Variants in DAAM2 observed in about 807,000 individuals in gnomAD.
DAAM2 encodes the protein disheveled-associated activator of morphogenesis 2.
A neutral mutation model predicts 120.7 loss-of-function variants in DAAM2; 39 were observed. The ratio of observed to expected loss-of-function variants is 0.32; its 90% confidence interval spans 0.25 to 0.42. The LOEUF is 0.42. Ranked by LOEUF, DAAM2 falls within the 10% of genes least tolerant of loss-of-function variation. The pLI is 1.00. For missense variants in DAAM2, 1,283 were observed against 1,401.7 expected (o/e 0.92, Z 1.35); for synonymous variants, 488 against 524.9 (o/e 0.93, Z 0.96).
chr6:39,856,136 G>T, intron 1 of DAAM2, 111 bp from the exon 2 acceptor site: 1 of 1,270,718 alleles, frequency 7.9e-7, no homozygotes, highest in Non-Finnish European at 9.9e-7. Flanking sequence ...TTGCTATTGG[G>T]TTGAGGGCTC....
chr6:39,849,050 G>C (rs530304841), intron 1 of DAAM2: 5 of 152,356 alleles, frequency 3.3e-5, no homozygotes, highest in African/African-American at 9.6e-5. Flanking sequence ...GATATATTAA[G>C]TGGAATCATA....
chr6:39,889,819 C>T (rs77989117), intron 17 of DAAM2, among the ~76,000 whole-genome samples: 3,192 of 152,116 alleles, frequency 0.021, 54 homozygotes, highest in East Asian at 0.042. Context: ...GAAAAGAAAA[C>T]GTTATTAAGA....
Position 39,875,336 on chromosome 6 carries a change from G to A in DAAM2, c.1169G>A (p.Arg390Gln), listed in dbSNP as rs764351776. ...LHHCLQMPYK[R>Q]NGGYFQQWQL... ...GATACCTGTCATCCCTCAGACAAAC[G>A]GAACGGTGGCTACTTCCAGCAGTGG... Residue 390 changes from arginine (R) to glutamine (Q), a missense_variant, in exon 11 of 25, where the codon CGG becomes CAG. Coordinates refer to ENST00000274867, the MANE Select transcript of DAAM2 (RefSeq NM_001201427.2). 8.1e-6 allele frequency: 13 copies of A among 1,613,548 alleles called. No homozygotes were observed. Among genetic ancestry groups the A allele is most frequent in the South Asian group, 6.6e-5 (6 of 91,054 alleles).
At position 39,891,506 on chromosome 6, in the gene DAAM2, T is replaced by A. The variant is rs1238022740; in HGVS notation, c.2252+59T>A. 24 of 1,522,676 alleles carry A rather than the reference T, an allele frequency of 1.6e-5. No individual in the cohort carries two copies. The East Asian group carries it at 5.5e-4, about 35-fold the overall frequency. The allele number at this position is 1,522,676 out of a possible 1,614,324, so 94.3% of individuals were successfully genotyped here. A position where few individuals can be genotyped will look rare whatever the true frequency, so the allele number is the denominator to read the frequency against. On this transcript the variant is annotated intron_variant, in intron 18 of 24. Transcript: ENST00000274867. ...GTGGGGTTCTGGCAGGTGGGGCAGG[T>A]GGGGCTCTGCCAAGAGGAAGGGGAT...
intron 1 of DAAM2, among the ~76,000 whole-genome samples, chr6:39,811,005 T>G (rs2114060405): frequency 6.6e-6 from 1 of 152,306 alleles, no homozygotes; most frequent in South Asian, 2.1e-4. Flanking sequence ...AGGCAGATCC[T>G]CATTCCACCC....
Position 39,878,169 on chromosome 6 carries a change from A to C in DAAM2, c.1302-34A>C. Reference sequence around the variant, plus strand: ...GGGAAGCTGTGAATCAATGGTCAACAATCACATTGCCCCTTCCCTCTATGC... The same window carrying C: ...GGGAAGCTGTGAATCAATGGTCAACCATCACATTGCCCCTTCCCTCTATGC... On this transcript the variant is annotated intron_variant, in intron 11 of 24. Transcript: ENST00000274867. This position sits in a 1 kb window ranked among gnomAD's most constrained non-coding sequence, Gnocchi z 5.0. The C allele has an allele frequency of 6.2e-7, 1 of 1,610,954 alleles. No individual in the cohort carries two copies. Among genetic ancestry groups the C allele is most frequent in the Non-Finnish European group, 8.5e-7 (1 of 1,177,838 alleles).
rs558376171 is a variant in DAAM2 at position 39,893,126 on chromosome 6, A to G, written c.2341+1404A>G. ...TGTATGTCTTGGGTCAGTGGAACAA[A>G]TGTGAGCAATTGCCATTTGGAGATT... On this transcript the variant is annotated intron_variant, in intron 19 of 24. Coordinates refer to ENST00000274867, the MANE Select transcript of DAAM2 (RefSeq NM_001201427.2). Among the ~76,000 whole-genome samples, 20 of 152,368 alleles carry G rather than the reference A, an allele frequency of 1.3e-4. No homozygotes were observed. The South Asian group carries it at 4.1e-3, about 32-fold the overall frequency.
intron 1 of DAAM2, among the ~76,000 whole-genome samples, chr6:39,836,343 A>G (rs1443614003): frequency 6.6e-6 from 1 of 152,074 alleles, no homozygotes; most frequent in African/African-American, 2.4e-5. Context: ...TCCCTAAATA[A>G]CAGCAGCAAA....
At chr6:39,834,624 A>C (rs545810326) in intron 1 of DAAM2, among the ~76,000 whole-genome samples, 2 of 152,286 alleles carry the variant, frequency 1.3e-5, no homozygotes, top group African/African-American at 4.8e-5. Flanking sequence ...GCACCACCTA[A>C]AAATAGGGGG....
intron 1 of DAAM2, among the ~76,000 whole-genome samples, chr6:39,807,004 C>A (rs1561995328): frequency 6.6e-6 from 1 of 152,094 alleles, no homozygotes; most frequent in Non-Finnish European, 1.5e-5. Flanking sequence ...TAAGACCCAG[C>A]AATTTCACTC....
At chr6:39,899,489 T>C (rs1375203895) in intron 22 of DAAM2, 1 of 159,242 alleles carries the variant, frequency 6.3e-6, no homozygotes, top group Non-Finnish European at 1.4e-5. Flanking sequence ...CTCTAAGTCT[T>C]GTCCCCCACA....
chr6:39,884,275 CT>C, intron 15 of DAAM2: 2 of 524,454 alleles, frequency 3.8e-6, no homozygotes, highest in Non-Finnish European at 6.8e-6. Flanking sequence ...TTTATTCTTG[CT>C]GAGGATGTAG....
intron 1 of DAAM2, among the ~76,000 whole-genome samples, chr6:39,795,910 G>A (rs1374416720): frequency 6.6e-6 from 1 of 152,106 alleles, no homozygotes; most frequent in Non-Finnish European, 1.5e-5. Context: ...TATAAGTATG[G>A]TGGGGAGGGG....
chr6:39,877,285 C>T (rs1028181509), intron 11 of DAAM2, among the ~76,000 whole-genome samples: 1 of 152,174 alleles, frequency 6.6e-6, no homozygotes, highest in African/African-American at 2.4e-5. Context: ...GCTGGCAGGG[C>T]CCCACACAGC....
intron 19 of DAAM2, 25 bp from the exon 20 acceptor site, chr6:39,896,787 C>T (rs751020327): frequency 1.3e-4 from 207 of 1,563,816 alleles, no homozygotes; most frequent in Non-Finnish European, 1.7e-4. Context: ...CCATGCAGGC[C>T]TCTGACCTGT....
chr6:39,900,101 G>A lies in DAAM2; in HGVS notation c.2704G>A (p.Val902Ile), dbSNP rs1232403641. Residue 902 changes from valine (V) to isoleucine (I), a missense_variant, in exon 23 of 25, where the codon GTA (valine) becomes ATA (isoleucine). This residue lies in a region of DAAM2 where 748 missense variants were observed against 768.6 expected (regional missense o/e 0.97). Coordinates refer to ENST00000274867, the MANE Select transcript of DAAM2 (RefSeq NM_001201427.2). ...GGAGCTGGAGTATCAGAGGCGCCAG[G>A]TACGGGAGCCCAGTGACAAGTTTGT... ...EVELEYQRRQVREPSDKFVPV... is the reference protein window; with the variant it reads ...EVELEYQRRQIREPSDKFVPV... 2 of 1,600,556 alleles carry A rather than the reference G, an allele frequency of 1.2e-6. No individual in the cohort carries two copies. The highest frequency in any genetic ancestry group is 2.7e-5 in the African/African-American group (2 of 74,418).
In DAAM2 at chr6:39,901,929, G is replaced by C. The variant is rs1766512532; in HGVS notation, c.3099G>C (p.Gly1033=). 1 of 1,611,620 alleles carries C rather than the reference G, an allele frequency of 6.2e-7. No individual in the cohort carries two copies. The highest frequency in any genetic ancestry group is 8.5e-7 in the Non-Finnish European group (1 of 1,178,150). ...FDDLVSALRS[G]EVFDKDLCKL... is the part of the protein sequence containing the mutation. ...ACCTGGTGTCGGCCCTGCGCTCTGG[G>C]GAGGTCTTCGACAAGGACTTATGCA... The change falls in exon 25 of 25, where the codon GGG becomes GGC. Residue 1033 remains glycine (G), a synonymous_variant. Transcript: ENST00000274867. The surrounding 1 kb of genome is among the most constrained non-coding windows in gnomAD (Gnocchi z 4.5).
intron 1 of DAAM2, among the ~76,000 whole-genome samples, chr6:39,793,847 A>C (rs564220899): frequency 6.6e-6 from 1 of 152,282 alleles, no homozygotes; most frequent in South Asian, 2.1e-4. Flanking sequence ...CTGAATTTTC[A>C]GCTTTGAGCT....
chr6:39,814,121 A>C (rs2114083588), intron 1 of DAAM2, among the ~76,000 whole-genome samples: 1 of 151,882 alleles, frequency 6.6e-6, no homozygotes, highest in Non-Finnish European at 1.5e-5. Flanking sequence ...AAATTCATAA[A>C]ATTTCTTAAA....
Sources: gnomAD v4.1 joint callset for allele counts (sites outside exome capture counted in the v4.1 genomes callset) on GRCh38, gnomAD v4.1.1 for gene constraint, gnomAD v4.1.1 regional missense constraint, Gnocchi (gnomAD v3.1) non-coding constraint, MANE v1.5 for transcripts, NCBI Gene and HGNC (gene_info 2026-07-23, HGNC 2026-07-21) for gene names.